Variants in AGBL3 observed in about 807,000 individuals in gnomAD.
AGBL3 encodes AGBL carboxypeptidase 3.
A neutral mutation model predicts 94.5 loss-of-function variants in AGBL3; 68 were observed. The observed-to-expected ratio is 0.72, with a 90% confidence interval of 0.59 to 0.88. The LOEUF (loss-of-function observed/expected upper bound fraction) is 0.88, where lower values mean the gene tolerates loss of function less well. Ranked by LOEUF, AGBL3 falls within the 40% of genes least tolerant of loss-of-function variation. AGBL3 has a pLI of 0.00. For missense variants in AGBL3, 934 were observed against 1,103.8 expected (o/e 0.85, Z 2.18); for synonymous variants, 354 against 370.7 (o/e 0.95, Z 0.52).
chr7:135,004,936 CTTTA>C (rs1812200261), intron 4 of AGBL3, among the ~76,000 whole-genome samples: 1 of 150,974 alleles, frequency 6.6e-6, no homozygotes, highest in African/African-American at 2.4e-5. Context: ...TTATTTTGTT[CTTTA>C]TTTAACCTCT....
At chr7:135,039,190 A>G (rs1816599422) in intron 8 of AGBL3, among the ~76,000 whole-genome samples, 1 of 152,196 alleles carries the variant, frequency 6.6e-6, no homozygotes. Flanking sequence ...ACAAATTTAA[A>G]ATAATTAATA....
At chr7:135,045,674 G>C (rs1323591330) in intron 10 of AGBL3, 100 bp downstream of exon 10, 6 of 1,313,384 alleles carry the variant, frequency 4.6e-6, no homozygotes, top group Non-Finnish European at 6.4e-6. Flanking sequence ...TGTCCCAACA[G>C]TGTTGTTGGG....
At chr7:135,032,549 C>T (rs1237109707) in intron 5 of AGBL3, among the ~76,000 whole-genome samples, 1 of 151,168 alleles carries the variant, frequency 6.6e-6, no homozygotes, top group African/African-American at 2.4e-5. Flanking sequence ...ACTCCTCGAG[C>T]TCGGGCAATC....
intron 15 of AGBL3, among the ~76,000 whole-genome samples, chr7:135,107,969 T>A (rs1289586636): frequency 6.6e-6 from 1 of 152,064 alleles, no homozygotes; most frequent in Admixed American, 6.6e-5. Flanking sequence ...TTATGTAATG[T>A]CTTTATCTTT....
chr7:135,008,931 G>A (rs1440367340), intron 4 of AGBL3, among the ~76,000 whole-genome samples: 2 of 152,106 alleles, frequency 1.3e-5, no homozygotes, highest in Non-Finnish European at 2.9e-5. Flanking sequence ...ACCACAATAA[G>A]ATACCTCTTT....
intron 15 of AGBL3, chr7:135,100,114 C>G (rs1823587007): frequency 6.6e-6 from 1 of 151,228 alleles, no homozygotes; most frequent in Admixed American, 6.6e-5. Flanking sequence ...TCTCGATCTC[C>G]CGACCTCGTG....
At chr7:135,070,529 A>G (rs1819798718) in intron 12 of AGBL3, among the ~76,000 whole-genome samples, 1 of 152,130 alleles carries the variant, frequency 6.6e-6, no homozygotes, top group Admixed American at 6.5e-5. Context: ...TATCCACCAT[A>G]ATCAAGTGGG....
chr7:135,045,442 C>T lies in AGBL3; in HGVS notation c.1628-32C>T, dbSNP rs1324622051. 4 of 1,513,880 alleles carry T rather than the reference C, an allele frequency of 2.6e-6. No individual in the cohort carries two copies. In the Admixed American group the frequency reaches 5.9e-5, roughly 22 times the overall value. The allele number at this position is 1,513,880 out of a possible 1,614,324, so 93.8% of individuals were successfully genotyped here. A position where few individuals can be genotyped will look rare whatever the true frequency, so the allele number is the denominator to read the frequency against. On this transcript the variant is annotated intron_variant, in intron 9 of 16. Transcript: ENST00000436302. Reference sequence around the variant, plus strand: ...TGCTAAGAAAAATTATTAACTTACCCTCAAGGGTGGATAAACTTATTGATG... The same window carrying T: ...TGCTAAGAAAAATTATTAACTTACCTTCAAGGGTGGATAAACTTATTGATG...
chr7:135,006,098 A>G (rs551814394), intron 4 of AGBL3, among the ~76,000 whole-genome samples: 1 of 151,794 alleles, frequency 6.6e-6, no homozygotes, highest in South Asian at 2.1e-4. Context: ...GGACTTCAGA[A>G]TTAAAAGCTC....
At chr7:135,075,459 CCA>C (rs1820359360) in intron 12 of AGBL3, among the ~76,000 whole-genome samples, 1 of 152,090 alleles carries the variant, frequency 6.6e-6, no homozygotes, top group African/African-American at 2.4e-5. Flanking sequence ...TATGGATTTA[CCA>C]CAGCCTATTT....
chr7:135,053,572 A>C (rs558121225), intron 11 of AGBL3, among the ~76,000 whole-genome samples: 83 of 152,234 alleles, frequency 5.5e-4, no homozygotes, highest in African/African-American at 1.9e-3. Context: ...GTGCCATTGC[A>C]CTCCAGCCTG....
chr7:134,987,729 T>C, intron 1 of AGBL3, 146 bp from the exon 2 acceptor site: 1 of 459,158 alleles, frequency 2.2e-6, no homozygotes. Flanking sequence ...CTCTTTGAAA[T>C]TGAAGGTTTT....
At chr7:135,133,786 A>T (rs1290097683) in intron 16 of AGBL3, among the ~76,000 whole-genome samples, 1 of 152,202 alleles carries the variant, frequency 6.6e-6, no homozygotes, top group Non-Finnish European at 1.5e-5. Flanking sequence ...ACCTGTGTGT[A>T]TAACTATTTA....
At chr7:135,128,803 G>A in intron 16 of AGBL3, 1 of 1,195,738 alleles carries the variant, frequency 8.4e-7, no homozygotes, top group East Asian at 2.3e-5. Flanking sequence ...TACAGACCAA[G>A]AGGAAACTGT....
chr7:135,096,440 A>G (rs1308302555), intron 15 of AGBL3, among the ~76,000 whole-genome samples: 2 of 151,874 alleles, frequency 1.3e-5, no homozygotes, highest in African/African-American at 2.4e-5. Context: ...AGAGATATAT[A>G]TGGCTATTCT....
intron 15 of AGBL3, chr7:135,093,447 T>C (rs1217325867): frequency 6.6e-6 from 1 of 152,172 alleles, no homozygotes; most frequent in Non-Finnish European, 1.5e-5. Context: ...AAATCAATTG[T>C]ATCTCTATAC....
At position 135,017,039 on chromosome 7, in the gene AGBL3, C is replaced by CT. The variant is rs527366221; in HGVS notation, c.311-5dup. 4.0e-5 allele frequency: 59 copies of CT among 1,477,204 alleles called. No individual in the cohort carries two copies. Among genetic ancestry groups the CT allele is most frequent in the Non-Finnish European group, 4.8e-5 (52 of 1,083,950 alleles). 91.5% of individuals were successfully genotyped at this position (1,477,204 alleles called of 1,614,324 possible). ...GAAGTCATCTTCAAATAATGTTTCA[C>CT]TTTTTTTTCCAGATTGGACTCCTTC... On this transcript the variant is annotated splice_polypyrimidine_tract_variant and intron_variant, in intron 4 of 16. Coordinates refer to ENST00000436302, the MANE Select transcript of AGBL3 (RefSeq NM_178563.4).
intron 4 of AGBL3, among the ~76,000 whole-genome samples, chr7:135,014,227 A>C (rs1012264442): frequency 4.4e-5 from 6 of 135,712 alleles, no homozygotes; most frequent in South Asian, 2.4e-4. Flanking sequence ...AAAAAAAAAA[A>C]CCCGAAATGT....
chr7:135,100,783 G>A (rs1452511488), intron 15 of AGBL3, among the ~76,000 whole-genome samples: 1 of 152,152 alleles, frequency 6.6e-6, no homozygotes, highest in African/African-American at 2.4e-5. Context: ...ACAAAAGAAG[G>A]TAATAGAAAA....
Sources: gnomAD v4.1 joint callset for allele counts (sites outside exome capture counted in the v4.1 genomes callset) on GRCh38, gnomAD v4.1.1 for gene constraint, MANE v1.5 for transcripts, NCBI Gene and HGNC (gene_info 2026-07-23, HGNC 2026-07-21) for gene names.